Variants in SH3KBP1 observed in about 807,000 individuals in gnomAD.
SH3KBP1 encodes SH3 domain-containing kinase-binding protein 1.
In SH3KBP1, 8 loss-of-function variants were observed where a neutral mutation model predicts 50.1. That is an observed-to-expected ratio of 0.16 (90% CI 0.09 to 0.29). SH3KBP1 has a LOEUF of 0.29. SH3KBP1 is among the 10% of genes least tolerant of loss of function. The probability of loss-of-function intolerance (pLI) is 1.00; values close to 1 mark genes in which losing one functional copy is unlikely to be tolerated. For synonymous variants in SH3KBP1, 227 were observed against 218.6 expected (o/e 1.04, Z -0.34); for missense variants, 377 against 535.2 (o/e 0.70, Z 2.92).
intron 1 of SH3KBP1, among the ~76,000 whole-genome samples, chrX:19,852,327 C>T (rs753897209): frequency 1.8e-5 from 2 of 111,360 alleles, no homozygotes; most frequent in East Asian, 5.7e-4. Flanking sequence ...AGAGCTGAAA[C>T]AAGCCCTCCC....
In SH3KBP1 at chrX:19,682,333, TACACACACACACAC is replaced by T. The variant is rs59044973; in HGVS notation, c.726+1476_726+1489del. 8.6e-3 allele frequency among the ~76,000 whole-genome samples: 651 copies of T among 75,895 alleles called. 10 individuals carry two copies. The highest frequency in any genetic ancestry group is 0.029 in the African/African-American group (602 of 20,939). 65.9% of individuals were successfully genotyped at this position (75,895 alleles called of 115,157 possible). On this transcript the variant is annotated intron_variant, in intron 6 of 17. Coordinates refer to ENST00000397821, the MANE Select transcript of SH3KBP1 (RefSeq NM_031892.3). ...ATATTAATAGCAATAATAAGAGTCA[TACACACACACACAC>T]ACACACACACACACACACACACACA...
chrX:19,570,634 G>A (rs1173943528), intron 12 of SH3KBP1, among the ~76,000 whole-genome samples: 2 of 111,805 alleles, frequency 1.8e-5, no homozygotes, highest in Admixed American at 9.5e-5. Flanking sequence ...GGAGCTGACA[G>A]GACAGACTGC....
At chrX:19,813,015 C>T (rs962373402) in intron 2 of SH3KBP1, among the ~76,000 whole-genome samples, 30 of 108,690 alleles carry the variant, frequency 2.8e-4, no homozygotes, top group Non-Finnish European at 4.4e-4. Context: ...TGGTGGTACG[C>T]GCCTGTAGTC....
rs11248 is a variant in SH3KBP1, at chrX:19,536,458, T to C, written c.1957A>G (p.Met653Val). The C allele has an allele frequency of 8.4e-5, 94 of 1,122,348 alleles. No homozygotes were observed. The highest frequency in any genetic ancestry group is 1.1e-4 in the Non-Finnish European group (89 of 826,594). 92.5% of individuals were successfully genotyped at this position (1,122,348 alleles called of 1,213,427 possible). ...EEKKIRLRLQ[M>V]EVNDIKKALQ... The stretch of plus-strand genomic sequence containing the variant: ...GCTTTCTTTATGTCGTTCACTTCCA[T>C]CTAGAAAGAGAAAAATAAGAATGGA... Residue 653 changes from methionine to valine, a missense_variant and splice_region_variant, in exon 18 of 18, where the codon ATG becomes GTG. Physicochemically the swap from Met to Val is conservative, Grantham distance 21 (BLOSUM62 1). Coordinates refer to ENST00000397821, the MANE Select transcript of SH3KBP1 (RefSeq NM_031892.3).
At chrX:19,702,950 C>A (rs1473479538) in intron 4 of SH3KBP1, among the ~76,000 whole-genome samples, 1 of 112,465 alleles carries the variant, frequency 8.9e-6, no homozygotes, top group South Asian at 3.6e-4. Flanking sequence ...CCTTTAGGTT[C>A]ACAATGATGA....
At chrX:19,613,896 G>A (rs2067514064) in intron 8 of SH3KBP1, among the ~76,000 whole-genome samples, 1 of 112,655 alleles carries the variant, frequency 8.9e-6, no homozygotes, top group African/African-American at 3.2e-5. Context: ...TCGGTTTCCT[G>A]ACACATGTGA....
At chrX:19,620,274 A>T (rs2067766885) in intron 8 of SH3KBP1, among the ~76,000 whole-genome samples, 1 of 112,167 alleles carries the variant, frequency 8.9e-6, no homozygotes. Context: ...CATTCCACAG[A>T]TAAGGACTGG....
chrX:19,801,120 G>A (rs186875627), intron 2 of SH3KBP1, among the ~76,000 whole-genome samples: 1 of 111,637 alleles, frequency 9.0e-6, no homozygotes, highest in East Asian at 2.8e-4. Context: ...TGGGCAGGGG[G>A]AACAAAGCTC....
At chrX:19,841,829 C>T (rs2068227463) in intron 1 of SH3KBP1, among the ~76,000 whole-genome samples, 2 of 96,334 alleles carry the variant, frequency 2.1e-5, no homozygotes, top group Non-Finnish European at 4.0e-5. Flanking sequence ...TTATGGTCCA[C>T]TGGAGAGAAG....
rs188990379 is a variant in SH3KBP1 at position 19,755,689 on chromosome X, C to T, written c.163-9248G>A. 1.9e-3 allele frequency among the ~76,000 whole-genome samples: 215 copies of T among 112,010 alleles called. 2 individuals carry two copies. The highest frequency in any genetic ancestry group is 0.015 in the Admixed American group (154 of 10,589). ...TTATACTCAGAAAAAGAAAGAGAAG[C>T]GAAACTAAAGGCAGGTAGCCTGGCG... On this transcript the variant is annotated intron_variant, in intron 2 of 17. Transcript: ENST00000397821.
intron 12 of SH3KBP1, among the ~76,000 whole-genome samples, chrX:19,570,120 A>C (rs754812318): frequency 2.7e-5 from 3 of 112,187 alleles, no homozygotes; most frequent in Non-Finnish European, 5.6e-5. Flanking sequence ...AGCACTTGTC[A>C]TGTGCCACTT....
intron 3 of SH3KBP1, among the ~76,000 whole-genome samples, chrX:19,719,981 G>A (rs976053780): frequency 6.4e-5 from 7 of 109,578 alleles, no homozygotes; most frequent in African/African-American, 2.3e-4. Flanking sequence ...TCTCTGCCTC[G>A]GTTTTCTCAC....
rs960781588 is a variant in SH3KBP1, at chrX:19,572,388, C to T, written c.1299-3200G>A. Among the ~76,000 whole-genome samples, 7 of 95,272 alleles carry T rather than the reference C, an allele frequency of 7.3e-5. No individual in the cohort carries two copies. In the East Asian group the frequency reaches 1.2e-3, roughly 16 times the overall value. 82.7% of individuals were successfully genotyped at this position (95,272 alleles called of 115,157 possible). On this transcript the variant is annotated intron_variant, in intron 12 of 17. Coordinates refer to ENST00000397821, the MANE Select transcript of SH3KBP1 (RefSeq NM_031892.3). ...TAGTACATATATGTTATATATAGTA[C>T]ATACATATGTTATATATAGTACATA...
chrX:19,808,808 C>T (rs1030817675), intron 2 of SH3KBP1, among the ~76,000 whole-genome samples: 2 of 112,210 alleles, frequency 1.8e-5, no homozygotes, highest in African/African-American at 6.5e-5. Flanking sequence ...GCTCTGCAAA[C>T]TCAGTTCTCT....
At chrX:19,780,228 C>T (rs1255798684) in intron 2 of SH3KBP1, among the ~76,000 whole-genome samples, 1 of 106,707 alleles carries the variant, frequency 9.4e-6, no homozygotes, top group Non-Finnish European at 1.9e-5. Context: ...CTTTTGGCTG[C>T]ATAAATGTCT....
intron 1 of SH3KBP1, among the ~76,000 whole-genome samples, chrX:19,838,902 A>G (rs747443409): frequency 2.8e-4 from 30 of 106,930 alleles, no homozygotes; most frequent in South Asian, 1.2e-3. Context: ...AAAAAAAAAA[A>G]AAAAGAAAAA....
intron 2 of SH3KBP1, among the ~76,000 whole-genome samples, chrX:19,749,415 T>G (rs1171752470): frequency 8.9e-6 from 1 of 112,765 alleles, no homozygotes; most frequent in East Asian, 2.8e-4. Flanking sequence ...ATAACCCAAG[T>G]GTCCATTAAG....
At chrX:19,658,482 C>T (rs2062352766) in intron 6 of SH3KBP1, among the ~76,000 whole-genome samples, 1 of 112,101 alleles carries the variant, frequency 8.9e-6, no homozygotes, top group Non-Finnish European at 1.9e-5. Flanking sequence ...TTTTTTTCCC[C>T]ATTTTCTGGG....
intron 5 of SH3KBP1, among the ~76,000 whole-genome samples, chrX:19,689,324 T>C (rs2063233220): frequency 2.7e-5 from 3 of 112,231 alleles, no homozygotes; most frequent in Non-Finnish European, 3.8e-5. Flanking sequence ...CACAGCTGTT[T>C]TGTGAGCTAG....
Sources: allele counts gnomAD v4.1 joint callset (sites outside exome capture counted in the v4.1 genomes callset), GRCh38; gene constraint gnomAD v4.1.1; transcripts MANE v1.5; gene names NCBI Gene and HGNC (gene_info 2026-07-23, HGNC 2026-07-21).